The following ARHGAP15 variants were observed in gnomAD, a reference collection of about 807,000 sequenced individuals.
ARHGAP15 encodes the protein Rho GTPase activating protein 15, also known as rho GTPase-activating protein 15.
In ARHGAP15, 51 loss-of-function variants were observed where a neutral mutation model predicts 63.7. The observed-to-expected ratio is 0.80, with a 90% CI of 0.64 to 1.01. The LOEUF is 1.01. Among genes scored for constraint, ARHGAP15 ranks in the 50% least tolerant of loss-of-function variants. The pLI is 0.00. For missense variants in ARHGAP15, 560 were observed against 564.6 expected (o/e 0.99, Z 0.08); for synonymous variants, 191 against 193.8 (o/e 0.99, Z 0.12).
intron 10 of ARHGAP15, among the ~76,000 whole-genome samples, chr2:143,529,565 A>G (rs899072768): frequency 6.6e-6 from 1 of 152,144 alleles, no homozygotes; most frequent in South Asian, 2.1e-4. Context: ...ATAAAAAAGG[A>G]TAAGCATATG....
At chr2:143,378,862 G>C (rs1209551500) in intron 6 of ARHGAP15, among the ~76,000 whole-genome samples, 1 of 152,054 alleles carries the variant, frequency 6.6e-6, no homozygotes, top group Non-Finnish European at 1.5e-5. Flanking sequence ...AAAAAGTGCA[G>C]TAGATAAATA....
chr2:143,373,003 T>A (rs1354446401), intron 6 of ARHGAP15, among the ~76,000 whole-genome samples: 2 of 141,848 alleles, frequency 1.4e-5, no homozygotes, highest in African/African-American at 5.4e-5. Flanking sequence ...AAAAAAAAAA[T>A]CTAGTGAGGG....
intron 6 of ARHGAP15, among the ~76,000 whole-genome samples, chr2:143,417,642 T>A (rs908997372): frequency 1.3e-5 from 2 of 152,202 alleles, no homozygotes; most frequent in African/African-American, 4.8e-5. Flanking sequence ...AGCTTGTGAA[T>A]GACGGGCACA....
chr2:143,200,498 G>A (rs1692071415), intron 2 of ARHGAP15, among the ~76,000 whole-genome samples: 1 of 151,552 alleles, frequency 6.6e-6, no homozygotes, highest in Non-Finnish European at 1.5e-5. Flanking sequence ...CCTAGACATA[G>A]TACTCAGGTC....
chr2:143,518,816 G>A (rs1395938710), intron 9 of ARHGAP15: 1 of 153,620 alleles, frequency 6.5e-6, no homozygotes, highest in African/African-American at 2.4e-5. Flanking sequence ...CCTAGAACTT[G>A]CCTCCTCATA....
chr2:143,373,227 G>A (rs1420918509), intron 6 of ARHGAP15, among the ~76,000 whole-genome samples: 5 of 152,102 alleles, frequency 3.3e-5, no homozygotes, highest in Non-Finnish European at 7.4e-5. Context: ...GACTAGAGAG[G>A]TAATGAAACT....
intron 8 of ARHGAP15, among the ~76,000 whole-genome samples, chr2:143,475,893 C>T (rs1026671387): frequency 3.3e-5 from 5 of 152,210 alleles, no homozygotes; most frequent in Non-Finnish European, 7.3e-5. Context: ...GCCTCCTATG[C>T]AATTTATTTT....
intron 6 of ARHGAP15, among the ~76,000 whole-genome samples, chr2:143,317,215 G>GAA (rs757195170): frequency 0.045 from 6,841 of 152,222 alleles, no homozygotes; most frequent in Non-Finnish European, 0.066. Flanking sequence ...GTGCCTATAA[G>GAA]AGTACCAGAT....
chr2:143,278,159 C>A (rs1420357132), intron 6 of ARHGAP15, among the ~76,000 whole-genome samples: 2 of 152,148 alleles, frequency 1.3e-5, no homozygotes, highest in African/African-American at 2.4e-5. Context: ...CACAGTTGTT[C>A]CTTCTTCCTG....
intron 2 of ARHGAP15, among the ~76,000 whole-genome samples, chr2:143,164,265 A>C (rs1483708837): frequency 6.6e-6 from 1 of 152,094 alleles, no homozygotes; most frequent in African/African-American, 2.4e-5. Flanking sequence ...AGTACGTGTC[A>C]GTTTTCAAAG....
intron 10 of ARHGAP15, among the ~76,000 whole-genome samples, chr2:143,538,415 T>C (rs868099182): frequency 1.3e-5 from 2 of 152,174 alleles, no homozygotes; most frequent in Non-Finnish European, 2.9e-5. Context: ...TCCAACACTA[T>C]GTTGAATAGG....
chr2:143,244,822 G>C (rs549291110), intron 5 of ARHGAP15, among the ~76,000 whole-genome samples: 6 of 152,326 alleles, frequency 3.9e-5, no homozygotes, highest in African/African-American at 1.4e-4. Context: ...AAGAATTCTT[G>C]TGAGAGAAAA....
intron 9 of ARHGAP15, among the ~76,000 whole-genome samples, chr2:143,498,243 C>T (rs1035738118): frequency 6.6e-6 from 1 of 152,132 alleles, no homozygotes; most frequent in Non-Finnish European, 1.5e-5. Context: ...CTTCTTACCC[C>T]ACCTGATTAG....
chr2:143,149,653 A>C (rs1039380940), intron 1 of ARHGAP15, among the ~76,000 whole-genome samples: 1 of 152,022 alleles, frequency 6.6e-6, no homozygotes, highest in African/African-American at 2.4e-5. Flanking sequence ...ACACAGAAGA[A>C]ACATTGTTTT....
intron 8 of ARHGAP15, among the ~76,000 whole-genome samples, chr2:143,484,192 C>G (rs1274141924): frequency 6.6e-6 from 1 of 151,916 alleles, no homozygotes; most frequent in Admixed American, 6.6e-5. Context: ...ATAGTAAAAC[C>G]CCATCTCTAC....
At chr2:143,301,745 TC>T (rs1682908307) in intron 6 of ARHGAP15, among the ~76,000 whole-genome samples, 1 of 151,810 alleles carries the variant, frequency 6.6e-6, no homozygotes, top group African/African-American at 2.4e-5. Flanking sequence ...GTATAATACA[TC>T]TGTCCATATG....
At chr2:143,292,018 G>A (rs539149187) in intron 6 of ARHGAP15, among the ~76,000 whole-genome samples, 1 of 152,168 alleles carries the variant, frequency 6.6e-6, no homozygotes, top group East Asian at 1.9e-4. Context: ...TACCTCTAAC[G>A]CGATGGCTAT....
At chr2:143,380,963 G>T (rs899379542) in intron 6 of ARHGAP15, among the ~76,000 whole-genome samples, 1 of 152,118 alleles carries the variant, frequency 6.6e-6, no homozygotes, top group African/African-American at 2.4e-5. Context: ...GATGACCCTG[G>T]ACTGTTAGTT....
chr2:143,478,321 T>G (rs1691918533), intron 8 of ARHGAP15, among the ~76,000 whole-genome samples: 2 of 152,170 alleles, frequency 1.3e-5, no homozygotes, highest in African/African-American at 4.8e-5. Flanking sequence ...TTTTTCTCTC[T>G]CAGCCGTACA....
Sources: allele counts gnomAD v4.1 joint callset (sites outside exome capture counted in the v4.1 genomes callset), GRCh38; gene constraint gnomAD v4.1.1; transcripts MANE v1.5; gene names NCBI Gene and HGNC (gene_info 2026-07-23, HGNC 2026-07-21).